The following PGM2L1 variants were observed in gnomAD, a reference collection of about 807,000 sequenced individuals.
PGM2L1 encodes the protein glucose 1,6-bisphosphate synthase.
A neutral mutation model predicts 73.4 loss-of-function variants in PGM2L1; 35 were observed. That is an observed-to-expected ratio of 0.48 (90% CI 0.36 to 0.63). The LOEUF (loss-of-function observed/expected upper bound fraction) is 0.63. Ranked by LOEUF, PGM2L1 falls within the 30% of genes least tolerant of loss-of-function variation. The pLI is 0.00. For missense variants in PGM2L1, 570 were observed against 742.0 expected (o/e 0.77, Z 2.69); for synonymous variants, 225 against 253.8 (o/e 0.89, Z 1.08).
chr11:74,371,737 T>C lies in PGM2L1; in HGVS notation c.360A>G (p.Gln120=). 6.2e-7 allele frequency: 1 copy of C among 1,613,944 alleles called. No homozygotes were observed. Among genetic ancestry groups the C allele is most frequent in the Non-Finnish European group, 8.5e-7 (1 of 1,179,826 alleles). Residue 120 remains glutamine (Q), a synonymous_variant, in exon 3 of 14, where the codon CAA becomes CAG. Coordinates refer to ENST00000298198, the MANE Select transcript of PGM2L1 (RefSeq NM_173582.6). The part of the protein sequence containing the change: ...GFVVGYDTRG[Q]VTSSCSSQRL... The stretch of plus-strand genomic sequence containing the variant: ...TCTGGCTGCTGCAGCTGCTAGTTAC[T>C]TGACCCCGAGTGTCATACCCAACCA...
intron 6 of PGM2L1, among the ~76,000 whole-genome samples, chr11:74,350,109 A>T (rs1244786083): frequency 6.6e-6 from 1 of 152,238 alleles, no homozygotes; most frequent in Non-Finnish European, 1.5e-5. Flanking sequence ...GACAGAAAGG[A>T]TAAAAAAGGA....
intron 1 of PGM2L1, among the ~76,000 whole-genome samples, chr11:74,382,671 T>A (rs1284674974): frequency 6.6e-6 from 1 of 152,012 alleles, no homozygotes; most frequent in African/African-American, 2.4e-5. Flanking sequence ...GCTAACTTTT[T>A]AATTTTTTGT....
intron 2 of PGM2L1, among the ~76,000 whole-genome samples, chr11:74,372,321 T>C (rs1001735065): frequency 6.6e-6 from 1 of 152,184 alleles, no homozygotes; most frequent in African/African-American, 2.4e-5. Context: ...TTTCTTATGA[T>C]GGATGATCCC....
At chr11:74,384,683 G>C (rs1438423902) in intron 1 of PGM2L1, among the ~76,000 whole-genome samples, 1 of 152,086 alleles carries the variant, frequency 6.6e-6, no homozygotes, top group African/African-American at 2.4e-5. Flanking sequence ...TTGTTTGTTT[G>C]TTGTTTTGCT....
In PGM2L1 at chr11:74,335,454, A is replaced by G. The variant is rs530647972; in HGVS notation, c.*1198T>C. 3 of 152,334 alleles carry G rather than the reference A, an allele frequency of 2.0e-5. No homozygotes were observed. Among genetic ancestry groups the G allele is most frequent in the South Asian group, 2.1e-4 (1 of 4,828 alleles). 9.4% of individuals were successfully genotyped at this position (152,334 alleles called of 1,614,324 possible). ...CTTTTTGTAAAAAATTATTTTCTACACTAAAAGAAGATAAATAATAGTCAT... is the reference window on the plus strand; with the variant it reads ...CTTTTTGTAAAAAATTATTTTCTACGCTAAAAGAAGATAAATAATAGTCAT... On this transcript the variant is annotated 3_prime_UTR_variant, in exon 14 of 14. Transcript: ENST00000298198.
chr11:74,395,639 T>C (rs1413240096), intron 1 of PGM2L1, among the ~76,000 whole-genome samples: 2 of 142,718 alleles, frequency 1.4e-5, no homozygotes, highest in Admixed American at 7.4e-5. Flanking sequence ...ACTCCTGACC[T>C]CAGGTGATCT....
At position 74,336,637 on chromosome 11, in the gene PGM2L1, C is replaced by CG. The variant is rs1565432920; in HGVS notation, c.*14_*15insC. On this transcript the variant is annotated 3_prime_UTR_variant, in exon 14 of 14. Coordinates refer to ENST00000298198, the MANE Select transcript of PGM2L1 (RefSeq NM_173582.6). ...TCCATATGCCCACACAGTGTCATGA[C>CG]ATATTGGTGTACCCCTAAACAGAAC... 1 of 1,552,694 alleles carries CG rather than the reference C, an allele frequency of 6.4e-7. No homozygotes were observed. Among genetic ancestry groups the CG allele is most frequent in the Admixed American group, 1.8e-5 (1 of 56,316 alleles).
intron 1 of PGM2L1, among the ~76,000 whole-genome samples, chr11:74,387,660 T>C (rs991407568): frequency 6.6e-6 from 1 of 152,188 alleles, no homozygotes; most frequent in South Asian, 2.1e-4. Context: ...GTATCCTACT[T>C]ACCCTTCAAG....
chr11:74,357,691 A>G (rs1470974613), intron 5 of PGM2L1, among the ~76,000 whole-genome samples: 3 of 152,254 alleles, frequency 2.0e-5, no homozygotes, highest in Admixed American at 2.0e-4. Flanking sequence ...ACTGAAAGGA[A>G]TGAAGACTTA....
At chr11:74,366,921 G>C (rs1307173067) in intron 5 of PGM2L1, among the ~76,000 whole-genome samples, 1 of 152,162 alleles carries the variant, frequency 6.6e-6, no homozygotes, top group African/African-American at 2.4e-5. Context: ...AGAATGGATT[G>C]CAGGGAGAAC....
At chr11:74,353,976 TGAAA>T (rs1862402381) in intron 5 of PGM2L1, among the ~76,000 whole-genome samples, 1 of 151,994 alleles carries the variant, frequency 6.6e-6, no homozygotes, top group Admixed American at 6.6e-5. Context: ...CCATAAGTCC[TGAAA>T]GCTCACGTGA....
chr11:74,382,243 C>A (rs1431415621), intron 1 of PGM2L1, among the ~76,000 whole-genome samples: 1 of 152,174 alleles, frequency 6.6e-6, no homozygotes, highest in Admixed American at 6.5e-5. Flanking sequence ...AAGGGCACAG[C>A]CAGGATGGCT....
At chr11:74,372,296 T>A (rs1862778051) in intron 2 of PGM2L1, among the ~76,000 whole-genome samples, 1 of 152,210 alleles carries the variant, frequency 6.6e-6, no homozygotes, top group South Asian at 2.1e-4. Flanking sequence ...AGCAACACAG[T>A]TCTTCACTAG....
At chr11:74,343,895 C>T (rs938709424) in intron 9 of PGM2L1, among the ~76,000 whole-genome samples, 36 of 147,030 alleles carry the variant, frequency 2.4e-4, no homozygotes, top group African/African-American at 9.1e-4. Context: ...TCTCCTGTCT[C>T]AGCCTCCTAA....
rs964653067 is a variant in PGM2L1 at position 74,333,940 on chromosome 11, G to C, written c.*2712C>G. On this transcript the variant is annotated 3_prime_UTR_variant, in exon 14 of 14. Coordinates refer to ENST00000298198, the MANE Select transcript of PGM2L1 (RefSeq NM_173582.6). ...TAAACATTGTAGTGCCCGAGGCTGA[G>C]ACCTCCTAGCCAGCACTTCTGTCTC... 2 of 152,192 alleles carry C rather than the reference G, an allele frequency of 1.3e-5. No individual in the cohort carries two copies. The highest frequency in any genetic ancestry group is 1.3e-4 in the Admixed American group (2 of 15,280). 9.4% of individuals were successfully genotyped at this position (152,192 alleles called of 1,614,324 possible).
chr11:74,341,483 G>A (rs1565434232), intron 12 of PGM2L1, among the ~76,000 whole-genome samples: 1 of 152,088 alleles, frequency 6.6e-6, no homozygotes, highest in Non-Finnish European at 1.5e-5. Context: ...CTTGGGGTCA[G>A]GAGTTCAAGA....
chr11:74,383,093 T>G (rs11236087), intron 1 of PGM2L1, among the ~76,000 whole-genome samples: 2 of 151,996 alleles, frequency 1.3e-5, no homozygotes, highest in South Asian at 2.1e-4. Flanking sequence ...CACGGATTCA[T>G]GTTATGATTT....
chr11:74,388,511 T>C (rs886514056), intron 1 of PGM2L1, among the ~76,000 whole-genome samples: 3 of 152,120 alleles, frequency 2.0e-5, no homozygotes, highest in Non-Finnish European at 2.9e-5. Flanking sequence ...TTTTTACCTA[T>C]ATAAATAATG....
chr11:74,367,584 T>C (rs912247279), intron 5 of PGM2L1, among the ~76,000 whole-genome samples: 3 of 152,196 alleles, frequency 2.0e-5, no homozygotes, highest in African/African-American at 7.2e-5. Flanking sequence ...CCTTTTTCCT[T>C]TCTGCTCTAT....
Sources: gnomAD v4.1 joint callset for allele counts (sites outside exome capture counted in the v4.1 genomes callset) on GRCh38, gnomAD v4.1.1 for gene constraint, MANE v1.5 for transcripts, NCBI Gene and HGNC (gene_info 2026-07-23, HGNC 2026-07-21) for gene names.